Variants in ERC2 observed in about 807,000 individuals in gnomAD.
ERC2 encodes the protein ERC protein 2.
A neutral mutation model predicts 114.8 loss-of-function variants in ERC2; 42 were observed. That is an observed-to-expected ratio of 0.37 (90% confidence interval 0.29 to 0.47). The LOEUF is 0.47. Ranked by LOEUF, ERC2 falls within the 20% of genes least tolerant of loss-of-function variation. The pLI is 0.99. For synonymous variants in ERC2, 454 were observed against 425.5 expected (o/e 1.07, Z -0.82); for missense variants, 939 against 1,150.7 (o/e 0.82, Z 2.66).
At chr3:55,720,964 C>T (rs545324786) in intron 15 of ERC2, among the ~76,000 whole-genome samples, 1 of 152,194 alleles carries the variant, frequency 6.6e-6, no homozygotes, top group Non-Finnish European at 1.5e-5. Flanking sequence ...AGGTAGGAAA[C>T]AATGTACCCA....
At chr3:55,955,213 A>G (rs1559928264) in intron 12 of ERC2, 2 of 506,758 alleles carry the variant, frequency 3.9e-6, no homozygotes, top group Non-Finnish European at 7.9e-6. Context: ...TTGGGAGGAA[A>G]TGGGATCTTC....
chr3:56,235,115 G>GCCTT, intron 3 of ERC2, among the ~76,000 whole-genome samples: 1 of 152,234 alleles, frequency 6.6e-6, no homozygotes, highest in South Asian at 2.1e-4. Context: ...CCTGTCCAGA[G>GCCTT]TCCTTTGGTC....
Position 56,434,624 on chromosome 3 carries a change from G to T in ERC2, c.384C>A (p.Ser128=), listed in dbSNP as rs774598938. 9.9e-6 allele frequency: 16 copies of T among 1,613,850 alleles called. No homozygotes were observed. The highest frequency in any genetic ancestry group is 1.4e-5 in the Non-Finnish European group (16 of 1,179,896). The change falls in exon 2 of 18, where the codon TCC becomes TCA. Residue 128 remains serine, a synonymous_variant. Coordinates refer to ENST00000288221, the MANE Select transcript of ERC2 (RefSeq NM_015576.3). ...TDQHGGLTGS[S]HHHHHQVPSM... ...AGGGGACCTGGTGGTGGTGATGATG[G>T]GATGAGCCAGTCAGCCCACCATGTT...
intron 2 of ERC2, among the ~76,000 whole-genome samples, chr3:56,312,007 A>G (rs2056610976): frequency 6.6e-6 from 1 of 152,198 alleles, no homozygotes; most frequent in Non-Finnish European, 1.5e-5. Context: ...TTTGCATAGC[A>G]TTTACACTGT....
intron 17 of ERC2, among the ~76,000 whole-genome samples, chr3:55,609,654 T>C (rs1559737359): frequency 6.6e-6 from 1 of 151,962 alleles, no homozygotes; most frequent in Non-Finnish European, 1.5e-5. Flanking sequence ...GTAGGCTCCA[T>C]TTCGAGGATG....
At chr3:56,217,915 C>A (rs1336196233) in intron 3 of ERC2, among the ~76,000 whole-genome samples, 2 of 151,960 alleles carry the variant, frequency 1.3e-5, no homozygotes, top group Non-Finnish European at 2.9e-5. Flanking sequence ...ATAAATGGTG[C>A]TGGGAAAACT....
intron 6 of ERC2, among the ~76,000 whole-genome samples, chr3:56,125,280 C>G (rs1296269488): frequency 6.6e-6 from 1 of 151,968 alleles, no homozygotes; most frequent in Non-Finnish European, 1.5e-5. Context: ...TCAGAAACAC[C>G]TAGACTGTAA....
At chr3:56,412,603 G>A (rs2060984590) in intron 2 of ERC2, among the ~76,000 whole-genome samples, 1 of 152,162 alleles carries the variant, frequency 6.6e-6, no homozygotes, top group Non-Finnish European at 1.5e-5. Flanking sequence ...CACTTTGAGA[G>A]ACATAATCAT....
chr3:55,858,818 C>T (rs968436279), intron 14 of ERC2, among the ~76,000 whole-genome samples: 1 of 152,158 alleles, frequency 6.6e-6, no homozygotes, highest in Non-Finnish European at 1.5e-5. Context: ...TAGAGCTGGG[C>T]AGCTGGATTC....
intron 17 of ERC2, among the ~76,000 whole-genome samples, chr3:55,573,639 C>T (rs2056835055): frequency 6.6e-6 from 1 of 152,054 alleles, no homozygotes; most frequent in Admixed American, 6.5e-5. Context: ...TTTGCACAGC[C>T]AAGGAGTCTT....
chr3:56,021,710 C>G (rs2073724532), intron 7 of ERC2, among the ~76,000 whole-genome samples: 1 of 152,092 alleles, frequency 6.6e-6, no homozygotes, highest in South Asian at 2.1e-4. Context: ...TTTTCTGCTC[C>G]TCTCCCTCCT....
intron 14 of ERC2, among the ~76,000 whole-genome samples, chr3:55,882,139 G>T (rs1026649813): frequency 1.3e-5 from 2 of 152,178 alleles, no homozygotes; most frequent in Admixed American, 1.3e-4. Context: ...TCCCTTGGGG[G>T]TGAGTGAGTT....
chr3:55,697,332 A>G (rs2062985508), intron 16 of ERC2, among the ~76,000 whole-genome samples: 1 of 152,194 alleles, frequency 6.6e-6, no homozygotes, highest in Non-Finnish European at 1.5e-5. Context: ...GAGATGGTGG[A>G]TGTGAAAGTG....
intron 12 of ERC2, chr3:55,955,264 G>T (rs867505813): frequency 5.5e-6 from 2 of 365,934 alleles, no homozygotes; most frequent in Non-Finnish European, 5.7e-6. Context: ...GTGTGTGTGT[G>T]TGTGTGTGTG....
intron 17 of ERC2, among the ~76,000 whole-genome samples, chr3:55,654,734 G>T (rs1444666530): frequency 2.6e-5 from 4 of 152,250 alleles, no homozygotes; most frequent in Non-Finnish European, 5.9e-5. Context: ...GGAGGCATGT[G>T]TTGGAAGCCT....
intron 3 of ERC2, among the ~76,000 whole-genome samples, chr3:56,193,422 C>T (rs889147599): frequency 6.6e-6 from 1 of 151,782 alleles, no homozygotes; most frequent in East Asian, 1.9e-4. Context: ...GCAAGAGAAT[C>T]GCTTGAATCT....
At chr3:55,933,685 G>A (rs529594394) in intron 13 of ERC2, among the ~76,000 whole-genome samples, 3 of 152,286 alleles carry the variant, frequency 2.0e-5, no homozygotes, top group South Asian at 2.1e-4. Flanking sequence ...GGCAAACCGC[G>A]TGGCCACAGG....
chr3:55,688,082 C>T (rs2062431032), intron 16 of ERC2, among the ~76,000 whole-genome samples: 1 of 152,210 alleles, frequency 6.6e-6, no homozygotes, highest in African/African-American at 2.4e-5. Context: ...TAAACTCTTA[C>T]ATGACTTGTA....
At chr3:56,134,916 T>G (rs910328128) in intron 6 of ERC2, among the ~76,000 whole-genome samples, 1 of 106,780 alleles carries the variant, frequency 9.4e-6, no homozygotes, top group Non-Finnish European at 2.1e-5. Context: ...CTCTCTTTTT[T>G]TTTGTTTTTT....
Sources: gnomAD v4.1 joint callset for allele counts (sites outside exome capture counted in the v4.1 genomes callset) on GRCh38, gnomAD v4.1.1 for gene constraint, MANE v1.5 for transcripts, NCBI Gene and HGNC (gene_info 2026-07-23, HGNC 2026-07-21) for gene names.